The following MALRD1 variants were observed in gnomAD, a reference collection of about 807,000 sequenced individuals.
The protein encoded by MALRD1 is MAM and LDL-receptor class A domain-containing protein 1.
MALRD1 carries 247 observed loss-of-function variants against 242.1 expected under a neutral mutation model. The ratio of observed to expected loss-of-function variants is 1.02; its 90% CI spans 0.92 to 1.13. The LOEUF (loss-of-function observed/expected upper bound fraction) is 1.13, where lower values mean the gene tolerates loss of function less well. Among genes scored for constraint, MALRD1 ranks in the 50% most tolerant of loss-of-function variants. The pLI, the probability that MALRD1 is intolerant of heterozygous loss-of-function variation, is 0.00. For missense variants in MALRD1, 2,989 were observed against 2,533.1 expected (o/e 1.18, Z -3.86); for synonymous variants, 995 against 866.6 (o/e 1.15, Z -2.60).
chr10:19,323,922 T>C (rs1225781791), intron 21 of MALRD1, 27 bp from the exon 22 acceptor site: 48 of 1,548,918 alleles, frequency 3.1e-5, no homozygotes, highest in Non-Finnish European at 4.1e-5. Flanking sequence ...CTTATTCCTT[T>C]TATAATATGA....
intron 31 of MALRD1, among the ~76,000 whole-genome samples, chr10:19,516,411 A>G (rs35984245): frequency 0.45 from 67,839 of 151,986 alleles, 16,090 homozygotes; most frequent in Non-Finnish European, 0.54. Flanking sequence ...ATACAGAGAA[A>G]CATTTCTTAT....
chr10:19,454,892 A>G (rs1835564943), intron 29 of MALRD1, among the ~76,000 whole-genome samples: 1 of 152,220 alleles, frequency 6.6e-6, no homozygotes, highest in Non-Finnish European at 1.5e-5. Flanking sequence ...ATATTTAGAA[A>G]ATAGCCAACA....
At chr10:19,417,591 G>GTT (rs1343091880) in intron 28 of MALRD1, among the ~76,000 whole-genome samples, 1 of 152,228 alleles carries the variant, frequency 6.6e-6, no homozygotes, top group East Asian at 1.9e-4. Flanking sequence ...CTTAAGTAAA[G>GTT]TTTTAATTAG....
At chr10:19,172,186 CATATAT>C (rs1835042746) in intron 13 of MALRD1, among the ~76,000 whole-genome samples, 1 of 133,230 alleles carries the variant, frequency 7.5e-6, no homozygotes, top group African/African-American at 2.6e-5. Context: ...CATATATATA[CATATAT>C]ACACATATAT....
At chr10:19,306,580 A>G (rs1183421792) in intron 21 of MALRD1, among the ~76,000 whole-genome samples, 1 of 149,042 alleles carries the variant, frequency 6.7e-6, no homozygotes, top group Non-Finnish European at 1.5e-5. Flanking sequence ...TATACCTTAT[A>G]TATACTGTAT....
chr10:19,571,148 T>G (rs1438016854), intron 33 of MALRD1, among the ~76,000 whole-genome samples: 8 of 152,182 alleles, frequency 5.3e-5, no homozygotes, highest in Admixed American at 5.2e-4. Flanking sequence ...TAATTAGCTC[T>G]TCTTACTTGC....
chr10:19,438,598 T>C (rs949127192), intron 28 of MALRD1, among the ~76,000 whole-genome samples: 1 of 152,222 alleles, frequency 6.6e-6, no homozygotes, highest in African/African-American at 2.4e-5. Context: ...ACAGTGACTG[T>C]ACCATTCTAC....
At chr10:19,386,516 C>T (rs1846082196) in intron 26 of MALRD1, among the ~76,000 whole-genome samples, 1 of 152,042 alleles carries the variant, frequency 6.6e-6, no homozygotes, top group Non-Finnish European at 1.5e-5. Context: ...AATATTGTTA[C>T]CCATGACAGT....
intron 18 of MALRD1, among the ~76,000 whole-genome samples, chr10:19,243,924 C>G (rs184497947): frequency 1.3e-5 from 2 of 151,600 alleles, no homozygotes; most frequent in Non-Finnish European, 2.9e-5. Flanking sequence ...GAAAGAAATG[C>G]AAAAAAAGTA....
At chr10:19,344,897 A>G (rs1178312520) in intron 24 of MALRD1, among the ~76,000 whole-genome samples, 5 of 152,104 alleles carry the variant, frequency 3.3e-5, no homozygotes, top group Admixed American at 1.3e-4. Context: ...TTGGAAAGGT[A>G]GAAAATAGTT....
intron 31 of MALRD1, among the ~76,000 whole-genome samples, chr10:19,524,170 A>C (rs1833995495): frequency 6.6e-6 from 1 of 152,144 alleles, no homozygotes; most frequent in African/African-American, 2.4e-5. Flanking sequence ...TTTACATTTC[A>C]CAGCCTTTAA....
chr10:19,506,537 C>A (rs956830464), intron 31 of MALRD1, among the ~76,000 whole-genome samples: 1 of 152,094 alleles, frequency 6.6e-6, no homozygotes, highest in Non-Finnish European at 1.5e-5. Flanking sequence ...ACTTGTGTAT[C>A]ATACAAGTGC....
intron 1 of MALRD1, among the ~76,000 whole-genome samples, chr10:19,060,928 C>A (rs905677347): frequency 6.6e-6 from 1 of 152,142 alleles, no homozygotes; most frequent in African/African-American, 2.4e-5. Context: ...ATGTGAAATA[C>A]TATGTAGCCA....
At chr10:19,385,649 A>G (rs574039853) in intron 26 of MALRD1, among the ~76,000 whole-genome samples, 1 of 151,966 alleles carries the variant, frequency 6.6e-6, no homozygotes, top group Non-Finnish European at 1.5e-5. Context: ...CATCTAGCTA[A>G]GTGTCTGTCA....
At chr10:19,125,586 TA>T (rs1286201979) in intron 7 of MALRD1, among the ~76,000 whole-genome samples, 3 of 151,534 alleles carry the variant, frequency 2.0e-5, no homozygotes, top group Non-Finnish European at 4.4e-5. Flanking sequence ...TTTTTATTTT[TA>T]TTTTTTTCAC....
intron 31 of MALRD1, among the ~76,000 whole-genome samples, chr10:19,499,355 G>C (rs1317901311): frequency 6.6e-6 from 1 of 151,168 alleles, no homozygotes; most frequent in African/African-American, 2.4e-5. Context: ...AGATGTTTTG[G>C]ATGAGATCAA....
In MALRD1 at chr10:19,347,686, G is replaced by A. The variant is rs984149324; in HGVS notation, c.3902-85G>A. 1.1e-5 allele frequency: 15 copies of A among 1,422,382 alleles called. No individual in the cohort carries two copies. The Admixed American group carries it at 3.0e-4, about 28-fold the overall frequency. 88.1% of individuals were successfully genotyped at this position (1,422,382 alleles called of 1,614,324 possible). ...AAGGTTTCAAATATTACATGATACA[G>A]CAAGATCACTGCAGTTTTGAATTGC... is the stretch of plus-strand genomic sequence containing the variant. On this transcript the variant is annotated intron_variant, in intron 24 of 39. Transcript: ENST00000454679.
chr10:19,534,049 C>T (rs530081079), intron 32 of MALRD1, among the ~76,000 whole-genome samples: 9 of 152,228 alleles, frequency 5.9e-5, no homozygotes, highest in African/African-American at 2.2e-4. Context: ...GACAAAGAAG[C>T]TAACACATGG....
At chr10:19,559,795 A>T (rs1835885148) in intron 32 of MALRD1, among the ~76,000 whole-genome samples, 1 of 152,242 alleles carries the variant, frequency 6.6e-6, no homozygotes, top group Admixed American at 6.5e-5. Context: ...TTTACAAGAA[A>T]AAAGAGAAAC....
Sources: allele counts gnomAD v4.1 joint callset (sites outside exome capture counted in the v4.1 genomes callset), GRCh38; gene constraint gnomAD v4.1.1; transcripts MANE v1.5; gene names NCBI Gene and HGNC (gene_info 2026-07-23, HGNC 2026-07-21).